Variants in TBC1D9 observed in about 807,000 individuals in gnomAD.
TBC1D9 encodes TBC1 domain family member 9.
Under a neutral mutation model 132.0 loss-of-function variants are expected in TBC1D9, and 63 were observed. The ratio of observed to expected loss-of-function variants is 0.48; its 90% CI spans 0.39 to 0.59. The LOEUF (loss-of-function observed/expected upper bound fraction) is 0.59, where lower values mean the gene tolerates loss of function less well. Ranked by LOEUF, TBC1D9 falls within the 20% of genes least tolerant of loss-of-function variation. The probability of loss-of-function intolerance (pLI) is 0.00; values close to 1 mark genes in which losing one functional copy is unlikely to be tolerated. For synonymous variants in TBC1D9, 610 were observed against 609.9 expected (o/e 1.00, Z 0.00); for missense variants, 1,261 against 1,592.7 (o/e 0.79, Z 3.54).
chr4:140,735,970 T>C (rs773894220), intron 1 of TBC1D9, among the ~76,000 whole-genome samples: 1 of 152,180 alleles, frequency 6.6e-6, no homozygotes, highest in African/African-American at 2.4e-5. Flanking sequence ...CTACTTATGT[T>C]GTAAAAAAGT....
rs369563105 is a variant in TBC1D9 at position 140,664,209 on chromosome 4, C to T, written c.1589-2102G>A. ...ATATACTTTTTATTTGTCAATTATA[C>T]CTCAACAACGCATGAATGAGTTCAT... On this transcript the variant is annotated intron_variant, in intron 9 of 20. Transcript: ENST00000442267. Among the ~76,000 whole-genome samples the T allele has an allele frequency of 4.5e-4, 69 of 152,090 alleles. 1 individual carries two copies. In the South Asian group the frequency reaches 0.013, roughly 29 times the overall value.
chr4:140,660,368 C>T (rs1341806659), intron 10 of TBC1D9, among the ~76,000 whole-genome samples: 1 of 152,212 alleles, frequency 6.6e-6, no homozygotes, highest in African/African-American at 2.4e-5. Flanking sequence ...TAAATATGAA[C>T]TTTATCATAT....
intron 16 of TBC1D9, among the ~76,000 whole-genome samples, chr4:140,632,001 C>A (rs1179075617): frequency 1.3e-5 from 2 of 152,166 alleles, no homozygotes; most frequent in African/African-American, 4.8e-5. Flanking sequence ...GCTCTGCAAC[C>A]ACATCTGAGA....
chr4:140,717,984 G>T (rs1323416117), intron 1 of TBC1D9, among the ~76,000 whole-genome samples: 5 of 152,098 alleles, frequency 3.3e-5, no homozygotes, highest in African/African-American at 9.7e-5. Context: ...AGTATGCTAT[G>T]ATATGAAAAT....
intron 13 of TBC1D9, among the ~76,000 whole-genome samples, chr4:140,655,389 T>G (rs1318266371): frequency 1.3e-5 from 2 of 152,208 alleles, no homozygotes; most frequent in African/African-American, 2.4e-5. Context: ...AAGCACTAAA[T>G]TTTTTACTTT....
Position 140,756,061 on chromosome 4 carries a change from G to C in TBC1D9, c.-16C>G, listed in dbSNP as rs377612455. ...TCACCCACATGGTCCTGGCTGCCGC[G>C]GGCGGGCGCACAATGGGCCCGTGGG... On this transcript the variant is annotated 5_prime_UTR_variant, in exon 1 of 21. Coordinates refer to ENST00000442267, the MANE Select transcript of TBC1D9 (RefSeq NM_015130.3). The surrounding 1 kb of genome is among the most constrained non-coding windows in gnomAD (Gnocchi z 5.6). 6.2e-7 allele frequency: 1 copy of C among 1,601,748 alleles called. No homozygotes were observed. The highest frequency in any genetic ancestry group is 1.1e-5 in the South Asian group (1 of 90,176).
At position 140,742,061 on chromosome 4, in the gene TBC1D9, G is replaced by A. The variant is rs1359404467; in HGVS notation, c.130+13855C>T. On this transcript the variant is annotated intron_variant, in intron 1 of 20. Transcript: ENST00000442267. ...AATCAAGCTATAACTCAATGACCCC[G>A]GGCACATGTTCTCAGGTCCTCCAGA... 6.3e-4 allele frequency among the ~76,000 whole-genome samples: 96 copies of A among 152,180 alleles called. 2 individuals carry two copies. The highest frequency in any genetic ancestry group is 2.1e-4 in the South Asian group (1 of 4,806).
intron 1 of TBC1D9, among the ~76,000 whole-genome samples, chr4:140,736,714 T>A (rs1738678548): frequency 1.3e-5 from 2 of 152,192 alleles, no homozygotes; most frequent in African/African-American, 4.8e-5. Flanking sequence ...ATTAGCCTCC[T>A]GACAGTTAAG....
intron 3 of TBC1D9, among the ~76,000 whole-genome samples, chr4:140,682,716 G>C (rs1737724752): frequency 6.6e-6 from 1 of 152,190 alleles, no homozygotes; most frequent in South Asian, 2.1e-4. Context: ...GAAGCCTGGA[G>C]ACCCTCAAGT....
rs1736625754 is a variant in TBC1D9 at position 140,622,211 on chromosome 4, G to A, written c.3785C>T (p.Ser1262Leu). 20 of 1,582,548 alleles carry A rather than the reference G, an allele frequency of 1.3e-5. No individual in the cohort carries two copies. Among genetic ancestry groups the A allele is most frequent in the South Asian group, 2.2e-5 (2 of 89,558 alleles). The change falls in exon 21 of 21, where the codon TCG (serine) becomes TTG (leucine). Residue 1262 changes from serine (S) to leucine (L), a missense_variant. Physicochemically the swap from Ser to Leu is moderately radical, Grantham distance 145. Transcript: ENST00000442267. ...PLTSASDYEI[S>L]AMSG Reference sequence around the variant, plus strand: ...GCGCCCGTGTCAGCCGGACATGGCCGAGATTTCATAGTCACTGGCCGAGGT... The same window carrying A: ...GCGCCCGTGTCAGCCGGACATGGCCAAGATTTCATAGTCACTGGCCGAGGT...
chr4:140,643,779 G>A, intron 13 of TBC1D9: 1 of 943,114 alleles, frequency 1.1e-6, no homozygotes, highest in Non-Finnish European at 1.6e-6. Flanking sequence ...TGGGCACTCA[G>A]AGGGCTCGGT....
chr4:140,643,194 C>T lies in TBC1D9; in HGVS notation c.2338-3766G>A, dbSNP rs1426187387. The T allele has an allele frequency of 2.8e-6, 4 of 1,417,926 alleles. No individual in the cohort carries two copies. In the South Asian group the frequency reaches 5.0e-5, roughly 18 times the overall value. The allele number at this position is 1,417,926 out of a possible 1,614,324, so 87.8% of individuals were successfully genotyped here. On this transcript the variant is annotated intron_variant, in intron 13 of 20. Coordinates refer to ENST00000442267, the MANE Select transcript of TBC1D9 (RefSeq NM_015130.3). ...TGCCAGCAGGCTCTCCAGTGAGGGC[C>T]GAGCCACCAGGGCCCGCTCCGCACC...
chr4:140,656,815 T>C (rs1737278494), intron 13 of TBC1D9, among the ~76,000 whole-genome samples: 1 of 152,178 alleles, frequency 6.6e-6, no homozygotes, highest in East Asian at 1.9e-4. Context: ...AATGGCACTA[T>C]AAAAAGGTCT....
At chr4:140,748,276 A>C (rs1738867439) in intron 1 of TBC1D9, among the ~76,000 whole-genome samples, 2 of 152,184 alleles carry the variant, frequency 1.3e-5, no homozygotes, top group Admixed American at 1.3e-4. Flanking sequence ...AATATAGTTA[A>C]GGAGATAGTT....
At chr4:140,652,347 T>C (rs144154771) in intron 13 of TBC1D9, among the ~76,000 whole-genome samples, 135 of 152,296 alleles carry the variant, frequency 8.9e-4, no homozygotes, top group African/African-American at 3.2e-3. Context: ...CTTTTTTGCT[T>C]GTCTATTCCT....
At chr4:140,715,126 A>G (rs1017617256) in intron 1 of TBC1D9, among the ~76,000 whole-genome samples, 1 of 152,198 alleles carries the variant, frequency 6.6e-6, no homozygotes, top group Non-Finnish European at 1.5e-5. Context: ...CCTGTCTCAA[A>G]ACAAACAAAC....
intron 1 of TBC1D9, among the ~76,000 whole-genome samples, chr4:140,707,336 T>A (rs1378559894): frequency 6.6e-6 from 1 of 152,220 alleles, no homozygotes; most frequent in Non-Finnish European, 1.5e-5. Flanking sequence ...AAGCTTCCAT[T>A]TATATACATA....
intron 9 of TBC1D9, 83 bp from the exon 10 acceptor site, chr4:140,662,190 CT>C: frequency 9.3e-7 from 1 of 1,073,278 alleles, no homozygotes; most frequent in Non-Finnish European, 1.4e-6. Flanking sequence ...GATTGAACTG[CT>C]TTACTTTCCT....
chr4:140,697,271 A>G (rs1737974175), intron 2 of TBC1D9, among the ~76,000 whole-genome samples: 3 of 152,166 alleles, frequency 2.0e-5, no homozygotes, highest in Non-Finnish European at 2.9e-5. Flanking sequence ...AGTCCCAGCT[A>G]CCTGGGAGGT....
Sources: allele counts gnomAD v4.1 joint callset (sites outside exome capture counted in the v4.1 genomes callset), GRCh38; gene constraint gnomAD v4.1.1; non-coding constraint Gnocchi (gnomAD v3.1); transcripts MANE v1.5; gene names NCBI Gene and HGNC (gene_info 2026-07-23, HGNC 2026-07-21).